The following SPAST variants were observed in gnomAD, a reference collection of about 807,000 sequenced individuals.
SPAST encodes the protein spastin.
A neutral mutation model predicts 76.6 loss-of-function variants in SPAST; 30 were observed. That is an observed-to-expected ratio of 0.39 (90% CI 0.29 to 0.53). The LOEUF (loss-of-function observed/expected upper bound fraction) is 0.53. Ranked by LOEUF, SPAST falls within the 20% of genes least tolerant of loss-of-function variation. SPAST has a pLI of 0.68. For missense variants in SPAST, 717 were observed against 770.5 expected (o/e 0.93, Z 0.82); for synonymous variants, 305 against 281.0 (o/e 1.09, Z -0.86).
chr2:32,130,885 C>T (rs1346068344), intron 9 of SPAST, among the ~76,000 whole-genome samples: 4 of 152,142 alleles, frequency 2.6e-5, no homozygotes, highest in African/African-American at 7.2e-5. Flanking sequence ...TCTATGTCTT[C>T]GGAACAGACA....
chr2:32,108,235 G>C (rs1678398288), intron 4 of SPAST, among the ~76,000 whole-genome samples: 1 of 152,100 alleles, frequency 6.6e-6, no homozygotes, highest in Admixed American at 6.6e-5. Context: ...GAAAAGTGTA[G>C]TTACTGAAAT....
At chr2:32,064,285 AAGAAGGCGGTGGGGT>A in intron 1 of SPAST, 39 bp downstream of exon 1, 1 of 1,353,108 alleles carries the variant, frequency 7.4e-7, no homozygotes, top group Non-Finnish European at 1.0e-6. Context: ...CGGCGCCGGG[AAGAAGGCGGTGGGGT>A]CGCCGGGGGA....
chr2:32,142,678 G>A (rs1679757686), intron 13 of SPAST, among the ~76,000 whole-genome samples: 1 of 152,174 alleles, frequency 6.6e-6, no homozygotes, highest in African/African-American at 2.4e-5. Flanking sequence ...TTACAGGCAT[G>A]AGTCACCGTG....
At position 32,063,848 on chromosome 2, in the gene SPAST, G is replaced by A. The variant is rs757518655; in HGVS notation, c.17G>A (p.Gly6Glu). The A allele has an allele frequency of 6.3e-7, 1 of 1,580,254 alleles. No individual in the cohort carries two copies. Among genetic ancestry groups the A allele is most frequent in the South Asian group, 1.1e-5 (1 of 88,682 alleles). The change falls in exon 1 of 17, where the codon GGA (glycine) becomes GAA (glutamate). Residue 6 changes from glycine to glutamate, a missense_variant. Transcript: ENST00000315285. Reference protein sequence around the residue: MNSPGGRGKKKGSGGA... With the variant: MNSPGERGKKKGSGGA... ...GAGCTGTGAATGAATTCTCCGGGTG[G>A]ACGAGGGAAGAAGAAAGGCTCCGGC...
chr2:32,136,763 T>G, intron 10 of SPAST, 114 bp from the exon 11 acceptor site: 3 of 1,200,332 alleles, frequency 2.5e-6, no homozygotes, highest in Non-Finnish European at 3.7e-6. Flanking sequence ...GCTTAAAGAC[T>G]ATCTAATGAA....
At chr2:32,089,739 A>G (rs1470901658) in intron 3 of SPAST, 134 bp downstream of exon 3, 7 of 650,608 alleles carry the variant, frequency 1.1e-5, no homozygotes, top group South Asian at 9.9e-5. Flanking sequence ...AACGTATAAC[A>G]TATACAAAAA....
chr2:32,100,292 T>C (rs1352378526), intron 4 of SPAST, among the ~76,000 whole-genome samples: 1 of 151,906 alleles, frequency 6.6e-6, no homozygotes, highest in Admixed American at 6.6e-5. Context: ...ATCTTTGTTT[T>C]TGACGGTCCA....
chr2:32,142,481 C>G (rs999802278), intron 13 of SPAST, among the ~76,000 whole-genome samples: 1 of 152,078 alleles, frequency 6.6e-6, no homozygotes, highest in African/African-American at 2.4e-5. Context: ...GTGGCGTGAT[C>G]TCGGCTCACT....
intron 12 of SPAST, 143 bp downstream of exon 12, chr2:32,137,331 C>A: frequency 1.3e-6 from 1 of 741,860 alleles, no homozygotes; most frequent in Non-Finnish European, 2.4e-6. Flanking sequence ...CTCTTGTTAC[C>A]AACTACATAA....
intron 7 of SPAST, chr2:32,126,477 T>A: frequency 8.5e-6 from 1 of 117,502 alleles, no homozygotes; most frequent in South Asian, 3.0e-4. Context: ...TTCTTTTTTT[T>A]TTTTTTTTTT....
At chr2:32,099,656 C>G (rs1678046745) in intron 4 of SPAST, among the ~76,000 whole-genome samples, 1 of 151,922 alleles carries the variant, frequency 6.6e-6, no homozygotes, top group South Asian at 2.1e-4. Context: ...ATTTATCATT[C>G]CTTGTGTTGG....
At chr2:32,097,819 G>A (rs949031562) in intron 3 of SPAST, among the ~76,000 whole-genome samples, 15 of 149,834 alleles carry the variant, frequency 1.0e-4, no homozygotes, top group Admixed American at 3.4e-4. Flanking sequence ...TCAGCTTCCC[G>A]AGTAGTTGGG....
intron 4 of SPAST, among the ~76,000 whole-genome samples, chr2:32,104,911 A>G (rs1208946295): frequency 1.3e-5 from 2 of 152,136 alleles, no homozygotes; most frequent in Non-Finnish European, 2.9e-5. Flanking sequence ...AACTTTGGTG[A>G]ATCTGACAAT....
intron 1 of SPAST, among the ~76,000 whole-genome samples, chr2:32,080,858 G>T (rs1219072562): frequency 1.6e-5 from 2 of 124,278 alleles, no homozygotes; most frequent in East Asian, 5.5e-4. Context: ...GCCATGGCAC[G>T]ATCTCAGCTC....
In SPAST at chr2:32,127,029, G is replaced by A. The variant is rs771762303; in HGVS notation, c.1173+7G>A. On this transcript the variant is annotated splice_region_variant and intron_variant, in intron 8 of 16. Coordinates refer to ENST00000315285, the MANE Select transcript of SPAST (RefSeq NM_014946.4). ...GAATGGGAAGACAATGCTGGTAAGG[G>A]TTCTCTTCAAATTTGAGTTTTCTGT... 2 of 1,597,566 alleles carry A rather than the reference G, an allele frequency of 1.3e-6. No individual in the cohort carries two copies. The highest frequency in any genetic ancestry group is 2.2e-5 in the South Asian group (2 of 90,750).
intron 13 of SPAST, among the ~76,000 whole-genome samples, chr2:32,142,179 C>T (rs1046429367): frequency 6.6e-6 from 1 of 152,026 alleles, no homozygotes; most frequent in African/African-American, 2.4e-5. Context: ...ATTTTTATAG[C>T]AGCAATATTA....
intron 3 of SPAST, among the ~76,000 whole-genome samples, chr2:32,091,022 T>C (rs189404095): frequency 2.0e-5 from 3 of 152,078 alleles, no homozygotes; most frequent in Admixed American, 2.0e-4. Context: ...TTACTTGTCT[T>C]CTGTTTGATG....
At chr2:32,072,309 C>A (rs891040313) in intron 1 of SPAST, among the ~76,000 whole-genome samples, 3 of 152,176 alleles carry the variant, frequency 2.0e-5, no homozygotes, top group Non-Finnish European at 4.4e-5. Flanking sequence ...TCCCAAAGTG[C>A]TGGGATTACA....
intron 3 of SPAST, among the ~76,000 whole-genome samples, chr2:32,092,504 CAATT>C (rs1316092098): frequency 2.6e-5 from 4 of 152,008 alleles, no homozygotes; most frequent in African/African-American, 7.3e-5. Flanking sequence ...GTATTAATAT[CAATT>C]AGAGACTCAT....
Sources: allele counts gnomAD v4.1 joint callset (sites outside exome capture counted in the v4.1 genomes callset), GRCh38; gene constraint gnomAD v4.1.1; transcripts MANE v1.5; gene names NCBI Gene and HGNC (gene_info 2026-07-23, HGNC 2026-07-21).